The following BANK1 variants were observed in gnomAD, a reference collection of about 807,000 sequenced individuals.
BANK1 encodes the protein B-cell scaffold protein with ankyrin repeats.
BANK1 carries 95 observed loss-of-function variants against 94.5 expected under a neutral mutation model. The observed-to-expected ratio is 1.00, with a 90% CI of 0.85 to 1.19. The LOEUF is 1.19. Among genes scored for constraint, BANK1 ranks in the 50% most tolerant of loss-of-function variants. The probability of loss-of-function intolerance (pLI) is 0.00; values close to 1 mark genes in which losing one functional copy is unlikely to be tolerated. For synonymous variants in BANK1, 334 were observed against 308.4 expected (o/e 1.08, Z -0.87); for missense variants, 987 against 932.2 (o/e 1.06, Z -0.77).
At chr4:101,862,228 T>C (rs1160370026) in intron 3 of BANK1, among the ~76,000 whole-genome samples, 1 of 152,048 alleles carries the variant, frequency 6.6e-6, no homozygotes, top group African/African-American at 2.4e-5. Context: ...CAGAGAGCCA[T>C]ATTGAGGAAG....
chr4:101,796,980 A>G (rs1317518387), intron 1 of BANK1, among the ~76,000 whole-genome samples: 2 of 152,184 alleles, frequency 1.3e-5, no homozygotes, highest in Non-Finnish European at 1.5e-5. Context: ...TTAACAGGCC[A>G]TTAATAAAAC....
At chr4:101,905,634 G>A (rs1208910094) in intron 6 of BANK1, among the ~76,000 whole-genome samples, 2 of 152,088 alleles carry the variant, frequency 1.3e-5, no homozygotes, top group African/African-American at 2.4e-5. Flanking sequence ...AGGAAATGGG[G>A]TATTTCCTTT....
At chr4:102,018,885 C>G (rs1726803798) in intron 7 of BANK1, among the ~76,000 whole-genome samples, 1 of 145,950 alleles carries the variant, frequency 6.9e-6, no homozygotes, top group South Asian at 2.1e-4. Context: ...GTGGTGCGAT[C>G]TCGGCTCACT....
chr4:102,007,839 G>T (rs1285074338), intron 7 of BANK1, among the ~76,000 whole-genome samples: 1 of 152,044 alleles, frequency 6.6e-6, no homozygotes, highest in Middle Eastern at 3.2e-3. Flanking sequence ...AATTTTAAAT[G>T]ATTACTAAAT....
chr4:101,980,771 ATTC>A (rs1464407702), intron 7 of BANK1, among the ~76,000 whole-genome samples: 4 of 151,908 alleles, frequency 2.6e-5, no homozygotes, highest in Non-Finnish European at 4.4e-5. Context: ...ATGGTTTTAC[ATTC>A]TTCTTTCTTT....
chr4:102,063,192 T>G, intron 13 of BANK1, 54 bp downstream of exon 13: 1 of 1,504,534 alleles, frequency 6.6e-7, no homozygotes, highest in South Asian at 1.1e-5. Flanking sequence ...CGTTGAAAAT[T>G]CAAGGACTGT....
At position 101,989,345 on chromosome 4, in the gene BANK1, C is replaced by A. The variant is rs781275399; in HGVS notation, c.1207-32169C>A. Reference sequence around the variant, plus strand: ...ACTCAGGAGGCTGAGGCAGGAGAATCGCTTGAACCCAGGAGGCAGAGGTTG... The same window carrying A: ...ACTCAGGAGGCTGAGGCAGGAGAATAGCTTGAACCCAGGAGGCAGAGGTTG... On this transcript the variant is annotated intron_variant, in intron 7 of 16. Transcript: ENST00000322953. Among the ~76,000 whole-genome samples, 58 of 148,442 alleles carry A rather than the reference C, an allele frequency of 3.9e-4. 1 individual carries two copies. Among genetic ancestry groups the A allele is most frequent in the Non-Finnish European group, 1.5e-4 (10 of 67,368 alleles).
intron 10 of BANK1, 86 bp from the exon 11 acceptor site, chr4:102,043,753 T>C: frequency 1.4e-6 from 1 of 734,544 alleles, no homozygotes; most frequent in South Asian, 2.1e-5. Flanking sequence ...AATGATATAT[T>C]GCATTCTGGC....
At chr4:101,796,447 GAA>G (rs1331974010) in intron 1 of BANK1, among the ~76,000 whole-genome samples, 1 of 152,046 alleles carries the variant, frequency 6.6e-6, no homozygotes, top group Non-Finnish European at 1.5e-5. Flanking sequence ...ATCTTCCATT[GAA>G]AATTAAACAA....
intron 7 of BANK1, among the ~76,000 whole-genome samples, chr4:102,006,974 T>TA (rs1464884974): frequency 5.4e-4 from 73 of 135,480 alleles, no homozygotes; most frequent in Middle Eastern, 4.0e-3. Flanking sequence ...TTTTTTAAAG[T>TA]AAAAAAAAAG....
Position 102,043,921 on chromosome 4 carries a change from C to T in BANK1, c.1969+14C>T, listed in dbSNP as rs1166442720. 8 of 1,490,728 alleles carry T rather than the reference C, an allele frequency of 5.4e-6. No homozygotes were observed. Among genetic ancestry groups the T allele is most frequent in the South Asian group, 4.7e-5 (4 of 85,628 alleles). 92.3% of individuals were successfully genotyped at this position (1,490,728 alleles called of 1,614,324 possible). On this transcript the variant is annotated intron_variant, in intron 11 of 16. Coordinates refer to ENST00000322953, the MANE Select transcript of BANK1 (RefSeq NM_017935.5). ...CTAAGAAACAAGGTACTAACACTAA[C>T]TTCAATCTATTTAGTAATCTCTAGG...
intron 1 of BANK1, among the ~76,000 whole-genome samples, chr4:101,800,614 G>A (rs75005074): frequency 0.04 from 6,059 of 152,218 alleles, 145 homozygotes; most frequent in Non-Finnish European, 0.065. Flanking sequence ...CTCTACTCCT[G>A]AATAAATCTT....
In BANK1 at chr4:101,863,675, G is replaced by C. The variant is rs1295356683; in HGVS notation, c.763+1011G>C. Among the ~76,000 whole-genome samples the C allele has an allele frequency of 2.6e-5, 4 of 152,080 alleles. No homozygotes were observed. In the South Asian group the frequency reaches 8.3e-4, roughly 32 times the overall value. On this transcript the variant is annotated intron_variant, in intron 4 of 16. Coordinates refer to ENST00000322953, the MANE Select transcript of BANK1 (RefSeq NM_017935.5). ...ATACTAAACATTTATAAACATTTCA[G>C]ACACTGCTTTCTGTCATGGATAAGC...
chr4:101,880,931 T>G (rs888525892), intron 5 of BANK1, among the ~76,000 whole-genome samples: 1 of 151,692 alleles, frequency 6.6e-6, no homozygotes, highest in Non-Finnish European at 1.5e-5. Context: ...TCAAAATGGA[T>G]TAGAGACTTA....
chr4:102,007,135 A>ATAT (rs1560682227), intron 7 of BANK1, among the ~76,000 whole-genome samples: 7 of 54,328 alleles, frequency 1.3e-4, no homozygotes, highest in Non-Finnish European at 2.0e-4. Flanking sequence ...TATATATATA[A>ATAT]AAAATATATT....
intron 10 of BANK1, among the ~76,000 whole-genome samples, chr4:102,041,720 T>A (rs564481136): frequency 6.6e-6 from 1 of 152,000 alleles, no homozygotes; most frequent in Non-Finnish European, 1.5e-5. Context: ...CATCCCAATA[T>A]TCTGCCCTTG....
intron 5 of BANK1, among the ~76,000 whole-genome samples, chr4:101,881,410 A>T (rs1728672081): frequency 6.6e-6 from 1 of 152,132 alleles, no homozygotes; most frequent in South Asian, 2.1e-4. Flanking sequence ...AATAGCTTAT[A>T]TTCCAAAAGA....
chr4:101,921,524 T>G (rs1352356165), intron 7 of BANK1, among the ~76,000 whole-genome samples: 1 of 151,992 alleles, frequency 6.6e-6, no homozygotes, highest in East Asian at 1.9e-4. Context: ...AAGACTAGTC[T>G]GTACTTTAAG....
chr4:101,847,737 ACAC>A, intron 2 of BANK1, among the ~76,000 whole-genome samples: 1 of 5,382 alleles, frequency 1.9e-4, no homozygotes. Context: ...ATTCCATCAT[ACAC>A]ACACACACAC....
Sources: gnomAD v4.1 joint callset for allele counts (sites outside exome capture counted in the v4.1 genomes callset) on GRCh38, gnomAD v4.1.1 for gene constraint, MANE v1.5 for transcripts, NCBI Gene and HGNC (gene_info 2026-07-23, HGNC 2026-07-21) for gene names.